FOXP1: variants seen among roughly 807,000 people sequenced by gnomAD.
FOXP1 encodes forkhead box P1.
Under a neutral mutation model 98.2 loss-of-function variants are expected in FOXP1, and 15 were observed. The ratio of observed to expected loss-of-function variants is 0.15; its 90% CI spans 0.10 to 0.24. The LOEUF (loss-of-function observed/expected upper bound fraction) is 0.24, where lower values mean the gene tolerates loss of function less well. FOXP1 is among the 10% of genes least tolerant of loss of function. The probability of loss-of-function intolerance (pLI) is 1.00; values close to 1 mark genes in which losing one functional copy is unlikely to be tolerated. For synonymous variants in FOXP1, 371 were observed against 314.5 expected (o/e 1.18, Z -1.90); for missense variants, 633 against 848.5 (o/e 0.75, Z 3.15).
At chr3:70,971,909 G>T in intron 18 of FOXP1, 1 of 870,330 alleles carries the variant, frequency 1.1e-6, no homozygotes, top group East Asian at 3.1e-5. Flanking sequence ...AGAAAGCTGT[G>T]GCACTGCTAT....
intron 4 of FOXP1, among the ~76,000 whole-genome samples, chr3:71,346,225 G>A (rs776571270): frequency 6.6e-6 from 1 of 152,190 alleles, no homozygotes; most frequent in Non-Finnish European, 1.5e-5. Context: ...TCACATAATA[G>A]ATCACTGTGA....
chr3:71,551,923 ATTCCCTC>A (rs2045810304), intron 2 of FOXP1, among the ~76,000 whole-genome samples: 1 of 152,140 alleles, frequency 6.6e-6, no homozygotes, highest in Non-Finnish European at 1.5e-5. Context: ...CCTCTAAACC[ATTCCCTC>A]CAGGAAGTGT....
chr3:71,206,139 T>C (rs2064017287), intron 5 of FOXP1, among the ~76,000 whole-genome samples: 1 of 152,234 alleles, frequency 6.6e-6, no homozygotes, highest in Non-Finnish European at 1.5e-5. Context: ...ATTTAACACA[T>C]AATTACTAAA....
intron 3 of FOXP1, among the ~76,000 whole-genome samples, chr3:71,469,337 A>C (rs2089095368): frequency 6.6e-6 from 1 of 152,222 alleles, no homozygotes; most frequent in Non-Finnish European, 1.5e-5. Context: ...AACGGATAGC[A>C]ATCAAATAAA....
rs1299616768 is a variant in FOXP1 at position 71,295,742 on chromosome 3, C to T, written c.-12+4078G>A. Among the ~76,000 whole-genome samples the T allele has an allele frequency of 3.3e-5, 5 of 152,262 alleles. 1 individual carries two copies. In the East Asian group the frequency reaches 9.6e-4, roughly 29 times the overall value. ...ATTGGATTTGAATTTTAAGCAAATG[C>T]ATGTGGGTAAATTGTCAATGGTGAG... On this transcript the variant is annotated intron_variant, in intron 5 of 20. Coordinates refer to ENST00000649528, the MANE Select transcript of FOXP1 (RefSeq NM_001349338.3).
chr3:71,548,702 T>C (rs773055924), intron 2 of FOXP1, among the ~76,000 whole-genome samples: 2 of 152,306 alleles, frequency 1.3e-5, no homozygotes, highest in African/African-American at 2.4e-5. Context: ...CACAACCCCA[T>C]TTCTTTTTTA....
chr3:71,325,037 T>C (rs1467589873), intron 4 of FOXP1, among the ~76,000 whole-genome samples: 1 of 149,374 alleles, frequency 6.7e-6, no homozygotes, highest in Non-Finnish European at 1.5e-5. Context: ...AGAGTTGCTG[T>C]AGGTATAATC....
rs1387464334 is a variant in FOXP1 at position 71,213,554 on chromosome 3, C to T, written c.-11-15162G>A. Among the ~76,000 whole-genome samples the T allele has an allele frequency of 3.9e-5, 6 of 152,200 alleles. 1 individual carries two copies. The highest frequency in any genetic ancestry group is 7.3e-5 in the Non-Finnish European group (5 of 68,034). On this transcript the variant is annotated intron_variant, in intron 5 of 20. Transcript: ENST00000649528. Reference sequence around the variant, plus strand: ...ACACATGGCCGGGCATGGTGGCTCACGCCTGTAATCCCAGCACTTTTGAGA... The same window carrying T: ...ACACATGGCCGGGCATGGTGGCTCATGCCTGTAATCCCAGCACTTTTGAGA...
chr3:71,437,026 C>T (rs1276074118), intron 3 of FOXP1, among the ~76,000 whole-genome samples: 1 of 152,122 alleles, frequency 6.6e-6, no homozygotes, highest in Admixed American at 6.6e-5. Flanking sequence ...TGATTGAGAA[C>T]AAACTTGGTA....
chr3:71,235,713 C>T (rs145834160), intron 5 of FOXP1, among the ~76,000 whole-genome samples: 6 of 152,196 alleles, frequency 3.9e-5, no homozygotes, highest in African/African-American at 7.2e-5. Flanking sequence ...ACTAAAGGTG[C>T]GTGCCACCAT....
intron 3 of FOXP1, among the ~76,000 whole-genome samples, chr3:71,463,833 A>G (rs896913744): frequency 1.3e-5 from 2 of 152,140 alleles, no homozygotes; most frequent in African/African-American, 4.8e-5. Flanking sequence ...GCAGAGGCAT[A>G]TATTTTGTAA....
At chr3:71,315,210 C>T (rs1055932748) in intron 4 of FOXP1, among the ~76,000 whole-genome samples, 23 of 152,152 alleles carry the variant, frequency 1.5e-4, no homozygotes, top group African/African-American at 4.6e-4. Flanking sequence ...CTTTCCACAC[C>T]GTACAACCTT....
At chr3:71,327,929 T>C (rs1316308782) in intron 4 of FOXP1, among the ~76,000 whole-genome samples, 1 of 152,196 alleles carries the variant, frequency 6.6e-6, no homozygotes, top group East Asian at 1.9e-4. Context: ...ATCAGTAATG[T>C]TCTCCCAGGG....
chr3:71,372,054 C>T (rs184022275), intron 3 of FOXP1, among the ~76,000 whole-genome samples: 46 of 151,704 alleles, frequency 3.0e-4, no homozygotes, highest in Admixed American at 1.1e-3. Context: ...GCTCTGTCAC[C>T]CAGGCTGGAG....
At position 71,224,265 on chromosome 3, in the gene FOXP1, A is replaced by C. The variant is rs187626985; in HGVS notation, c.-11-25873T>G. On this transcript the variant is annotated intron_variant, in intron 5 of 20. Coordinates refer to ENST00000649528, the MANE Select transcript of FOXP1 (RefSeq NM_001349338.3). ...TTGCTCAGTTACGTCTAGGATGCAG[A>C]ACTGCATACAGGGACTCAGCATGGT... Among the ~76,000 whole-genome samples the C allele has an allele frequency of 3.9e-5, 6 of 152,294 alleles. No homozygotes were observed. In the East Asian group the frequency reaches 1.2e-3, roughly 29 times the overall value.
chr3:71,414,613 A>C (rs1243718752), intron 3 of FOXP1, among the ~76,000 whole-genome samples: 1 of 152,230 alleles, frequency 6.6e-6, no homozygotes, highest in Admixed American at 6.5e-5. Flanking sequence ...ATATTCTAAC[A>C]TGGCTCTTGG....
At chr3:71,428,445 G>T (rs1182630658) in intron 3 of FOXP1, among the ~76,000 whole-genome samples, 1 of 152,264 alleles carries the variant, frequency 6.6e-6, no homozygotes, top group African/African-American at 2.4e-5. Context: ...AGTAGAAGTT[G>T]ACAGAGCTAA....
chr3:71,372,479 C>T (rs1477113081), intron 3 of FOXP1, among the ~76,000 whole-genome samples: 1 of 152,180 alleles, frequency 6.6e-6, no homozygotes, highest in Non-Finnish European at 1.5e-5. Context: ...GCACTCTCTG[C>T]TTCTTTATAC....
chr3:71,338,272 G>A (rs890171132), intron 4 of FOXP1, among the ~76,000 whole-genome samples: 8 of 152,196 alleles, frequency 5.3e-5, no homozygotes, highest in Admixed American at 5.2e-4. Context: ...TAGGTACAAA[G>A]GCAGGGGTGT....
Sources: gnomAD v4.1 joint callset for allele counts (sites outside exome capture counted in the v4.1 genomes callset) on GRCh38, gnomAD v4.1.1 for gene constraint, MANE v1.5 for transcripts, NCBI Gene and HGNC (gene_info 2026-07-23, HGNC 2026-07-21) for gene names.